GAB2: variants seen among roughly 807,000 people sequenced by gnomAD.
GAB2 encodes the protein GRB2-associated-binding protein 2.
A neutral mutation model predicts 65.5 loss-of-function variants in GAB2; 26 were observed. That is an observed-to-expected ratio of 0.40 (90% CI 0.29 to 0.55). The LOEUF (loss-of-function observed/expected upper bound fraction) is 0.55, where lower values mean the gene tolerates loss of function less well. GAB2 is among the 20% of genes least tolerant of loss of function. The pLI is 0.53. For synonymous variants in GAB2, 321 were observed against 329.6 expected, an observed-to-expected ratio of 0.97 and a Z score of 0.28; for missense variants, 884 against 875.8, an observed-to-expected ratio of 1.01 and a Z score of -0.12.
intron 2 of GAB2, among the ~76,000 whole-genome samples, chr11:78,267,714 C>T (rs1052719206): frequency 2.6e-5 from 4 of 151,654 alleles, no homozygotes; most frequent in South Asian, 2.1e-4. Context: ...AAAAATTAGC[C>T]GGGTGCAGTG....
chr11:78,264,712 C>T (rs983359550), intron 2 of GAB2, among the ~76,000 whole-genome samples: 1 of 152,112 alleles, frequency 6.6e-6, no homozygotes, highest in African/African-American at 2.4e-5. Flanking sequence ...CCGGCCAAGA[C>T]ATCTTTGTTT....
At chr11:78,295,761 T>C (rs1027790518) in intron 1 of GAB2, among the ~76,000 whole-genome samples, 9 of 152,116 alleles carry the variant, frequency 5.9e-5, no homozygotes, top group African/African-American at 1.9e-4. Context: ...GGATTGGGTA[T>C]TGAAGGATGT....
intron 2 of GAB2, among the ~76,000 whole-genome samples, chr11:78,268,477 G>C (rs1474828853): frequency 6.6e-6 from 1 of 152,126 alleles, no homozygotes; most frequent in Non-Finnish European, 1.5e-5. Context: ...CCCAATATTA[G>C]AGTTAGACTG....
At chr11:78,363,298 T>A (rs919368039) in intron 1 of GAB2, among the ~76,000 whole-genome samples, 2 of 152,246 alleles carry the variant, frequency 1.3e-5, no homozygotes, top group Middle Eastern at 3.2e-3. Context: ...TGTGTGCTTA[T>A]GCTTCAATTA....
At chr11:78,274,507 T>C (rs1479537808) in intron 2 of GAB2, among the ~76,000 whole-genome samples, 1 of 152,188 alleles carries the variant, frequency 6.6e-6, no homozygotes, top group South Asian at 2.1e-4. Context: ...TCTGGATGCA[T>C]CCATGGAGAA....
chr11:78,332,904 C>CT (rs1855939548), intron 1 of GAB2, among the ~76,000 whole-genome samples: 1 of 152,090 alleles, frequency 6.6e-6, no homozygotes, highest in South Asian at 2.1e-4. Context: ...TTTTAAGAAC[C>CT]TTCCCCTTTG....
chr11:78,252,328 C>T (rs1172126058), intron 2 of GAB2, among the ~76,000 whole-genome samples: 1 of 152,244 alleles, frequency 6.6e-6, no homozygotes, highest in African/African-American at 2.4e-5. Flanking sequence ...CATTACAAGT[C>T]TTTCAGTAAA....
intron 3 of GAB2, among the ~76,000 whole-genome samples, chr11:78,244,179 G>T (rs1407705418): frequency 6.6e-6 from 1 of 152,096 alleles, no homozygotes; most frequent in Non-Finnish European, 1.5e-5. Flanking sequence ...ATTCCTTGAG[G>T]TCAGGAGTTC....
At chr11:78,242,776 T>C (rs1865175655) in intron 3 of GAB2, among the ~76,000 whole-genome samples, 1 of 152,008 alleles carries the variant, frequency 6.6e-6, no homozygotes, top group Admixed American at 6.5e-5. Context: ...AAAATAAAAC[T>C]GATCAACAAA....
intron 1 of GAB2, among the ~76,000 whole-genome samples, chr11:78,355,393 A>G (rs879125792): frequency 5.3e-5 from 8 of 152,172 alleles, no homozygotes; most frequent in Admixed American, 5.2e-4. Flanking sequence ...CAGGAGTGAA[A>G]TAGTATTTGG....
chr11:78,356,852 T>C (rs1422981065), intron 1 of GAB2, among the ~76,000 whole-genome samples: 1 of 152,200 alleles, frequency 6.6e-6, no homozygotes, highest in Non-Finnish European at 1.5e-5. Flanking sequence ...TGTTACAATA[T>C]GGATGAATTT....
intron 1 of GAB2, among the ~76,000 whole-genome samples, chr11:78,283,001 C>T (rs1191218790): frequency 2.6e-5 from 4 of 152,228 alleles, no homozygotes; most frequent in African/African-American, 4.8e-5. Context: ...CTTGGCTGTA[C>T]ATACATGGAG....
intron 1 of GAB2, among the ~76,000 whole-genome samples, chr11:78,399,983 C>T (rs554514364): frequency 1.4e-4 from 22 of 152,306 alleles, no homozygotes; most frequent in South Asian, 8.3e-4. Context: ...TCAATATACA[C>T]TGACATTTCA....
chr11:78,291,969 C>T (rs888465283), intron 1 of GAB2, among the ~76,000 whole-genome samples: 3 of 151,720 alleles, frequency 2.0e-5, no homozygotes, highest in Admixed American at 2.0e-4. Context: ...ATAACCACAT[C>T]TCCACCTGGG....
chr11:78,233,250 G>C (rs924503840), intron 3 of GAB2, among the ~76,000 whole-genome samples: 1 of 152,112 alleles, frequency 6.6e-6, no homozygotes. Context: ...GCCCGGGCTG[G>C]TCTCAAACTT....
Position 78,215,694 on chromosome 11 carries a change from C to A in GAB2, c.*3578G>T, listed in dbSNP as rs963625440. The A allele has an allele frequency of 6.6e-6, 1 of 152,348 alleles. No individual in the cohort carries two copies. Among genetic ancestry groups the A allele is most frequent in the Non-Finnish European group, 1.5e-5 (1 of 68,048 alleles). 9.4% of individuals were successfully genotyped at this position (152,348 alleles called of 1,614,324 possible). A position where few individuals can be genotyped will look rare whatever the true frequency, so the allele number is the denominator to read the frequency against. The stretch of plus-strand genomic sequence containing the variant: ...CCATAAATCACATGACAGCCTGGAT[C>A]TCTTGGGGACCCCCTCGGCAGGTAC... On this transcript the variant is annotated 3_prime_UTR_variant, in exon 10 of 10. Transcript: ENST00000361507.
chr11:78,355,680 T>A (rs1367861557), intron 1 of GAB2, among the ~76,000 whole-genome samples: 2 of 79,140 alleles, frequency 2.5e-5, no homozygotes, highest in Admixed American at 3.5e-4. Context: ...CTGTCTCACT[T>A]AAAAAAAAAA....
intron 1 of GAB2, among the ~76,000 whole-genome samples, chr11:78,291,020 C>G (rs1288748620): frequency 1.3e-5 from 2 of 152,108 alleles, no homozygotes; most frequent in African/African-American, 4.8e-5. Context: ...AGCAACCATA[C>G]ACAATTCATA....
intron 1 of GAB2, among the ~76,000 whole-genome samples, chr11:78,409,433 A>C (rs1857098102): frequency 6.6e-6 from 1 of 152,140 alleles, no homozygotes. Context: ...AAAAATACAA[A>C]ATTAGCCGGG....
Sources: allele counts gnomAD v4.1 joint callset (sites outside exome capture counted in the v4.1 genomes callset), GRCh38; gene constraint gnomAD v4.1.1; transcripts MANE v1.5; gene names NCBI Gene and HGNC (gene_info 2026-07-23, HGNC 2026-07-21).